The following USP32 variants were observed in gnomAD, a reference collection of about 807,000 sequenced individuals.
USP32 encodes ubiquitin carboxyl-terminal hydrolase 32.
Under a neutral mutation model 204.8 loss-of-function variants are expected in USP32, and 59 were observed. That is an observed-to-expected ratio of 0.29 (90% CI 0.23 to 0.36). The LOEUF is 0.36. Among genes scored for constraint, USP32 ranks in the 10% least tolerant of loss-of-function variants. The pLI is 1.00. For missense variants in USP32, 1,160 were observed against 1,946.4 expected (o/e 0.60, Z 7.60); for synonymous variants, 517 against 678.4 (o/e 0.76, Z 3.70).
intron 9 of USP32, among the ~76,000 whole-genome samples, chr17:60,259,462 G>A (rs777738607): frequency 6.6e-5 from 10 of 151,898 alleles, no homozygotes; most frequent in Non-Finnish European, 1.3e-4. Context: ...GCGCCCTTCA[G>A]TGGGATGGAG....
intron 16 of USP32, among the ~76,000 whole-genome samples, chr17:60,218,964 G>A (rs79021874): frequency 3.9e-5 from 6 of 152,236 alleles, no homozygotes; most frequent in East Asian, 1.9e-4. Context: ...AGTCTTGCCC[G>A]TCAATAAAGT....
chr17:60,409,051 A>C (rs1025663650), intron 1 of USP32, among the ~76,000 whole-genome samples: 2 of 152,204 alleles, frequency 1.3e-5, no homozygotes, highest in Admixed American at 6.5e-5. Flanking sequence ...GCTGACTCAC[A>C]GTAAAACTTT....
At chr17:60,253,209 A>G (rs995438624) in intron 10 of USP32, among the ~76,000 whole-genome samples, 29 of 152,330 alleles carry the variant, frequency 1.9e-4, no homozygotes, top group Non-Finnish European at 1.0e-4. Flanking sequence ...GAGCTACAAG[A>G]TGACTCAGAC....
intron 1 of USP32, among the ~76,000 whole-genome samples, chr17:60,386,732 T>C (rs2089738227): frequency 6.6e-6 from 1 of 152,072 alleles, no homozygotes; most frequent in African/African-American, 2.4e-5. Context: ...AATGGGGAGC[T>C]CACTAACCAG....
chr17:60,258,319 T>C (rs2086367797), intron 9 of USP32: 2 of 185,826 alleles, frequency 1.1e-5, no homozygotes, highest in African/African-American at 4.7e-5. Flanking sequence ...TGAGGATGAG[T>C]AAGCAAACTG....
chr17:60,275,531 C>T (rs887430058), intron 5 of USP32, among the ~76,000 whole-genome samples: 4 of 152,084 alleles, frequency 2.6e-5, no homozygotes, highest in Admixed American at 2.0e-4. Context: ...CCCCACACCC[C>T]TCTTCAGGAT....
intron 29 of USP32, among the ~76,000 whole-genome samples, chr17:60,187,157 T>G (rs1367219276): frequency 6.6e-6 from 1 of 152,102 alleles, no homozygotes; most frequent in Non-Finnish European, 1.5e-5. Context: ...CTCAAGACAT[T>G]CAGTTTAGAA....
intron 1 of USP32, among the ~76,000 whole-genome samples, chr17:60,401,668 G>T (rs1264244863): frequency 6.6e-6 from 1 of 151,122 alleles, no homozygotes; most frequent in Non-Finnish European, 1.5e-5. Context: ...ATCACTTGAG[G>T]TCAGGAGTTT....
At chr17:60,418,779 G>C (rs2090082730) in intron 1 of USP32, among the ~76,000 whole-genome samples, 1 of 152,046 alleles carries the variant, frequency 6.6e-6, no homozygotes, top group African/African-American at 2.4e-5. Flanking sequence ...AACATCACTG[G>C]TCATTAAAGA....
At position 60,273,961 on chromosome 17, in the gene USP32, CAAAAA is replaced by C. The variant is rs35639109; in HGVS notation, c.572-2485_572-2481del. 9.6e-3 allele frequency among the ~76,000 whole-genome samples: 406 copies of C among 42,260 alleles called. 3 individuals carry two copies. Among genetic ancestry groups the C allele is most frequent in the African/African-American group, 0.032 (384 of 12,114 alleles). The allele number at this position is 42,260 out of a possible 152,430, so 27.7% of individuals were successfully genotyped here. ...GGGGCAACAGAGCGAGACTCAGTCT[CAAAAA>C]AAAAAAAAAAAAAAAAAAATTAGTC... On this transcript the variant is annotated intron_variant, in intron 5 of 33. Coordinates refer to ENST00000300896, the MANE Select transcript of USP32 (RefSeq NM_032582.4).
chr17:60,227,428 C>G (rs2085425357), intron 12 of USP32, among the ~76,000 whole-genome samples: 1 of 151,830 alleles, frequency 6.6e-6, no homozygotes, highest in Non-Finnish European at 1.5e-5. Flanking sequence ...TGCCACCAAG[C>G]CCAGATAATT....
chr17:60,352,745 A>C (rs2088978063), intron 1 of USP32, among the ~76,000 whole-genome samples: 1 of 152,212 alleles, frequency 6.6e-6, no homozygotes. Flanking sequence ...TGAACTCAAC[A>C]AAAGAACTCG....
intron 2 of USP32, among the ~76,000 whole-genome samples, chr17:60,337,088 A>C (rs77232762): frequency 6.6e-6 from 1 of 152,372 alleles, no homozygotes; most frequent in African/African-American, 2.4e-5. Flanking sequence ...TTTAATCAAT[A>C]ATATAGATCA....
In USP32 at chr17:60,294,804, A is replaced by G. The variant is rs183186759; in HGVS notation, c.293-3T>C. 8.6e-5 allele frequency: 135 copies of G among 1,561,662 alleles called. No individual in the cohort carries two copies. In the East Asian group the frequency reaches 1.3e-3, roughly 15 times the overall value. ...ACTTGAAAAAAGACTAAAAATGTCT[A>G]AGAAAAAGAAAGATAGAATAAATTA... On this transcript the variant is annotated splice_region_variant and splice_polypyrimidine_tract_variant and intron_variant, in intron 3 of 33. Coordinates refer to ENST00000300896, the MANE Select transcript of USP32 (RefSeq NM_032582.4).
chr17:60,232,785 G>T (rs1485709034), intron 12 of USP32, among the ~76,000 whole-genome samples: 2 of 152,056 alleles, frequency 1.3e-5, no homozygotes, highest in African/African-American at 2.4e-5. Flanking sequence ...AGCCTCAAGT[G>T]ATCTGCCTGC....
chr17:60,323,122 T>C (rs1009228431), intron 2 of USP32, among the ~76,000 whole-genome samples: 1 of 152,150 alleles, frequency 6.6e-6, no homozygotes, highest in African/African-American at 2.4e-5. Context: ...GAGTTCCATA[T>C]GACCCAGAAA....
At chr17:60,307,303 G>C (rs1226974765) in intron 2 of USP32, among the ~76,000 whole-genome samples, 1 of 152,012 alleles carries the variant, frequency 6.6e-6, no homozygotes, top group African/African-American at 2.4e-5. Context: ...GTTTCACTAT[G>C]ATGGCCAGGC....
At chr17:60,395,565 A>T (rs544233580), upstream of USP32, among the ~76,000 whole-genome samples, 1 of 152,370 alleles carries the variant, frequency 6.6e-6, no homozygotes, top group African/African-American at 2.4e-5. Flanking sequence ...TCTGCTTGTC[A>T]TGCTGAAAGG....
At chr17:60,343,515 C>A (rs974863110) in intron 2 of USP32, among the ~76,000 whole-genome samples, 1 of 152,196 alleles carries the variant, frequency 6.6e-6, no homozygotes, top group Admixed American at 6.5e-5. Context: ...AACTGCAAAA[C>A]TACATGGAAA....
Sources: allele counts gnomAD v4.1 joint callset (sites outside exome capture counted in the v4.1 genomes callset), GRCh38; gene constraint gnomAD v4.1.1; transcripts MANE v1.5; gene names NCBI Gene and HGNC (gene_info 2026-07-23, HGNC 2026-07-21).